RBFOX1: variants seen among roughly 807,000 people sequenced by gnomAD.
The protein encoded by RBFOX1 is RNA binding fox-1 homolog 1, also known as RNA binding protein fox-1 homolog 1.
In RBFOX1, 8 loss-of-function variants were observed where a neutral mutation model predicts 57.7. The observed-to-expected ratio is 0.14, with a 90% CI of 0.08 to 0.25. The LOEUF (loss-of-function observed/expected upper bound fraction) is 0.25, where lower values mean the gene tolerates loss of function less well. Among genes scored for constraint, RBFOX1 ranks in the 10% least tolerant of loss-of-function variants. The probability of loss-of-function intolerance (pLI) is 1.00; values close to 1 mark genes in which losing one functional copy is unlikely to be tolerated. For missense variants in RBFOX1, 611 were observed against 548.5 expected, an observed-to-expected ratio of 1.11 and a Z score of -1.14; for synonymous variants, 326 against 222.4, an observed-to-expected ratio of 1.47 and a Z score of -4.15.
rs116468283 is a variant in RBFOX1, at chr16:5,751,461, G to T, written c.319-115842G>T. Among the ~76,000 whole-genome samples, 630 of 152,294 alleles carry T rather than the reference G, an allele frequency of 4.1e-3. 7 individuals carry two copies. The highest frequency in any genetic ancestry group is 0.014 in the African/African-American group (600 of 41,564). On this transcript the variant is annotated intron_variant, in intron 3 of 19. Transcript: ENST00000641259. The stretch of plus-strand genomic sequence containing the variant: ...TAGAGAAGTTAATACATCCACTGTA[G>T]ACTTCTGCTTAAAATCAGATAGATT...
At chr16:6,640,867 A>C (rs935214281) in intron 2 of RBFOX1, among the ~76,000 whole-genome samples, 5 of 152,104 alleles carry the variant, frequency 3.3e-5, no homozygotes, top group Admixed American at 6.6e-5. Flanking sequence ...TAAGGCCAAG[A>C]CCCAAAACAA....
intron 4 of RBFOX1, among the ~76,000 whole-genome samples, chr16:5,968,230 A>C (rs183460577): frequency 2.6e-5 from 4 of 151,938 alleles, no homozygotes; most frequent in Non-Finnish European, 5.9e-5. Flanking sequence ...ATGTACCACC[A>C]TGCCCGGTTA....
chr16:5,546,406 C>G (rs1256909884), intron 2 of RBFOX1, among the ~76,000 whole-genome samples: 3 of 152,124 alleles, frequency 2.0e-5, no homozygotes, highest in Admixed American at 2.0e-4. Flanking sequence ...CTAACATGAT[C>G]TGATTTAAAG....
intron 3 of RBFOX1, among the ~76,000 whole-genome samples, chr16:6,997,615 C>G (rs565152109): frequency 6.6e-6 from 1 of 152,096 alleles, no homozygotes; most frequent in Non-Finnish European, 1.5e-5. Flanking sequence ...GCAAACATAC[C>G]ATAATTATTG....
intron 2 of RBFOX1, among the ~76,000 whole-genome samples, chr16:6,521,138 T>G (rs1332109119): frequency 4.6e-5 from 7 of 151,974 alleles, no homozygotes; most frequent in Non-Finnish European, 8.8e-5. Context: ...CAAAATGGTG[T>G]TTTTCTGTAA....
At chr16:6,825,101 A>G (rs552595462) in intron 3 of RBFOX1, among the ~76,000 whole-genome samples, 13 of 145,048 alleles carry the variant, frequency 9.0e-5, no homozygotes, top group Admixed American at 1.5e-4. Context: ...GGTTCAAACA[A>G]TTCTCCTGCC....
intron 5 of RBFOX1, among the ~76,000 whole-genome samples, chr16:7,549,546 C>T (rs893009957): frequency 1.3e-5 from 2 of 152,208 alleles, no homozygotes; most frequent in Middle Eastern, 3.4e-3. Flanking sequence ...GAAGCCAGTC[C>T]GAGTCCTAGA....
At chr16:6,057,024 T>C (rs543133106) in intron 1 of RBFOX1, 22 of 152,092 alleles carry the variant, frequency 1.4e-4, no homozygotes, top group Admixed American at 4.6e-4. Context: ...AAGAGTCTCT[T>C]TTTCCCCGAA....
chr16:5,351,204 C>T (rs2065255486), intron 1 of RBFOX1, among the ~76,000 whole-genome samples: 1 of 152,206 alleles, frequency 6.6e-6, no homozygotes, highest in African/African-American at 2.4e-5. Flanking sequence ...TTTAACTCGA[C>T]TATGTGCCAG....
intron 4 of RBFOX1, among the ~76,000 whole-genome samples, chr16:5,923,529 G>A (rs890911395): frequency 1.7e-5 from 2 of 118,168 alleles, no homozygotes; most frequent in Non-Finnish European, 3.5e-5. Flanking sequence ...CCAGAGCCAG[G>A]CTTTTTTTTT....
chr16:6,890,456 T>C (rs2065140116), intron 3 of RBFOX1, among the ~76,000 whole-genome samples: 1 of 152,184 alleles, frequency 6.6e-6, no homozygotes, highest in Non-Finnish European at 1.5e-5. Context: ...ATGGCAGAGA[T>C]TTCGGTGAAC....
At chr16:6,752,112 A>G (rs539504338) in intron 3 of RBFOX1, among the ~76,000 whole-genome samples, 3 of 152,282 alleles carry the variant, frequency 2.0e-5, no homozygotes, top group South Asian at 4.2e-4. Context: ...CACTGCCTGC[A>G]TGTACCATAA....
chr16:6,202,848 C>A (rs781330470), intron 1 of RBFOX1, among the ~76,000 whole-genome samples: 7 of 152,088 alleles, frequency 4.6e-5, no homozygotes, highest in Non-Finnish European at 8.8e-5. Context: ...AGTGCAGTGG[C>A]ACAATCAGAG....
chr16:5,736,193 A>G (rs559566447), intron 3 of RBFOX1, among the ~76,000 whole-genome samples: 87 of 151,830 alleles, frequency 5.7e-4, no homozygotes, highest in African/African-American at 1.8e-3. Flanking sequence ...GCCACCTGGC[A>G]CCCCCCATCC....
intron 2 of RBFOX1, among the ~76,000 whole-genome samples, chr16:6,529,746 T>A (rs891532852): frequency 6.6e-6 from 1 of 152,142 alleles, no homozygotes; most frequent in African/African-American, 2.4e-5. Flanking sequence ...AGAAGGTGTT[T>A]AAAGTTCTAC....
chr16:6,416,988 A>G (rs2093640598), intron 2 of RBFOX1, among the ~76,000 whole-genome samples: 1 of 151,992 alleles, frequency 6.6e-6, no homozygotes, highest in South Asian at 2.1e-4. Context: ...CCTTACCTTA[A>G]ATTTGTGCAG....
intron 2 of RBFOX1, among the ~76,000 whole-genome samples, chr16:5,512,134 A>T (rs1258701192): frequency 6.6e-6 from 1 of 152,172 alleles, no homozygotes; most frequent in Non-Finnish European, 1.5e-5. Context: ...TGCTTCTGCT[A>T]AGTGGTGGAG....
At chr16:6,360,234 C>G (rs1290241868) in intron 2 of RBFOX1, among the ~76,000 whole-genome samples, 1 of 149,330 alleles carries the variant, frequency 6.7e-6, no homozygotes, top group Non-Finnish European at 1.5e-5. Flanking sequence ...TGTAATATTT[C>G]TTTATAGATT....
chr16:5,757,668 A>C (rs535417019), intron 3 of RBFOX1, among the ~76,000 whole-genome samples: 36 of 152,260 alleles, frequency 2.4e-4, no homozygotes, highest in African/African-American at 8.7e-4. Flanking sequence ...TGTTGGACAG[A>C]TTGCCACATG....
Sources: allele counts gnomAD v4.1 joint callset (sites outside exome capture counted in the v4.1 genomes callset), GRCh38; gene constraint gnomAD v4.1.1; transcripts MANE v1.5; gene names NCBI Gene and HGNC (gene_info 2026-07-23, HGNC 2026-07-21).